The following DNHD1 variants were observed in gnomAD, a reference collection of about 807,000 sequenced individuals.
DNHD1 encodes dynein heavy chain domain-containing protein 1.
In DNHD1, 383 loss-of-function variants were observed where a neutral mutation model predicts 458.1. The observed-to-expected ratio is 0.84, with a 90% CI of 0.77 to 0.91. The LOEUF is 0.91. DNHD1 is among the 40% of genes least tolerant of loss of function. The probability of loss-of-function intolerance (pLI) is 0.00; values close to 1 mark genes in which losing one functional copy is unlikely to be tolerated. For synonymous variants in DNHD1, 2,203 were observed against 2,376.9 expected (o/e 0.93, Z 2.13); for missense variants, 5,336 against 5,866.1 (o/e 0.91, Z 2.95).
At position 6,547,354 on chromosome 11, in the gene DNHD1, G is replaced by A. The variant is rs1026331299; in HGVS notation, c.6415G>A (p.Val2139Ile). ...CACAACAGGCATATCCCCCACAGTG[G>A]TAGGCTGTTGTGCCCTAGTCTGGTG... is the stretch of plus-strand genomic sequence containing the variant. ...ADTTGISPTV[V>I]GCCALVWCGG... is the part of the protein sequence containing the mutation. Residue 2139 changes from valine (V) to isoleucine (I), a missense_variant, in exon 21 of 43, where the codon GTA (valine) becomes ATA (isoleucine). Around this residue, in one of 4 missense-constraint regions of DNHD1, gnomAD observed 3,932 missense variants for 4,365.6 expected, o/e 0.90. Transcript: ENST00000254579. 1.4e-5 allele frequency: 22 copies of A among 1,551,652 alleles called. 1 individual carries two copies. Among genetic ancestry groups the A allele is most frequent in the South Asian group, 4.8e-5 (4 of 84,064 alleles).
Position 6,548,123 on chromosome 11 carries a change from G to A in DNHD1, c.6905+83G>A. 1 of 1,545,606 alleles carries A rather than the reference G, an allele frequency of 6.5e-7. No homozygotes were observed. The highest frequency in any genetic ancestry group is 2.4e-5 in the East Asian group (1 of 40,856). Reference sequence around the variant, plus strand: ...AAGTAAAAACCCACATGACATCACTGTTAGGGTATGGTGGAGTGTGTGAGT... The same window carrying A: ...AAGTAAAAACCCACATGACATCACTATTAGGGTATGGTGGAGTGTGTGAGT... On this transcript the variant is annotated intron_variant, in intron 22 of 42. Coordinates refer to ENST00000254579, the MANE Select transcript of DNHD1 (RefSeq NM_144666.3). The surrounding 1 kb of genome is among the most constrained non-coding windows in gnomAD (Gnocchi z 4.4).
chr11:6,525,381 AG>A (rs1415587481), intron 10 of DNHD1, among the ~76,000 whole-genome samples: 1 of 152,248 alleles, frequency 6.6e-6, no homozygotes. Flanking sequence ...GGAAGGGAGA[AG>A]GGAATAGCTA....
chr11:6,567,035 G>T lies in DNHD1; in HGVS notation c.11526G>T (p.Gln3842His). ...HCEELEGQKL[Q>H]EMVLWAPYRP... ...AAGAGTTAGAAGGGCAGAAACTACAGGAGATGGTATTGTGGGCACCCTATC... is the reference window on the plus strand; with the variant it reads ...AAGAGTTAGAAGGGCAGAAACTACATGAGATGGTATTGTGGGCACCCTATC... Residue 3842 changes from glutamine (Q) to histidine (H), a missense_variant, in exon 36 of 43, where the codon CAG becomes CAT. Transcript: ENST00000254579. 6.2e-7 allele frequency: 1 copy of T among 1,614,056 alleles called. No individual in the cohort carries two copies. Among genetic ancestry groups the T allele is most frequent in the Non-Finnish European group, 8.5e-7 (1 of 1,179,902 alleles).
Position 6,564,424 on chromosome 11 carries a change from G to A in DNHD1, c.10376G>A (p.Arg3459His), listed in dbSNP as rs759463457. The change falls in exon 32 of 43, where the codon CGC (arginine) becomes CAC (histidine). Residue 3459 changes from arginine (R) to histidine (H), a missense_variant. By Grantham distance (29) the Arg-to-His change is conservative. Coordinates refer to ENST00000254579, the MANE Select transcript of DNHD1 (RefSeq NM_144666.3). ...CTGGGTCCCTTCCCACCATTGCGGC[G>A]CCAAGAGCTACTGGACGAGTGGTTA... ...IYLGPFPPLR[R>H]QELLDEWLAL... is the part of the protein sequence containing the mutation. 1.9e-5 allele frequency: 29 copies of A among 1,551,636 alleles called. No individual in the cohort carries two copies. The South Asian group carries it at 2.1e-4, about 11-fold the overall frequency.
In DNHD1 at chr11:6,557,222, G is replaced by A; in HGVS notation, c.7927G>A (p.Val2643Met). 1.3e-6 allele frequency: 2 copies of A among 1,551,652 alleles called. No individual in the cohort carries two copies. Among genetic ancestry groups the A allele is most frequent in the Non-Finnish European group, 1.7e-6 (2 of 1,147,012 alleles). ...GACCGTTATGATGGCCACACGCAAT[G>A]TGGTGCGTCTTTGGTTGCATGAGGC... ...CLTVMMATRN[V>M]VRLWLHEAQR... The change falls in exon 25 of 43, where the codon GTG becomes ATG. Residue 2643 changes from valine (V) to methionine (M), a missense_variant. By Grantham distance (21) the Val-to-Met change is conservative (BLOSUM62 1). Transcript: ENST00000254579.
chr11:6,500,346 A>G (rs1469688828), intron 3 of DNHD1, among the ~76,000 whole-genome samples: 1 of 152,228 alleles, frequency 6.6e-6, no homozygotes, highest in Non-Finnish European at 1.5e-5. Context: ...TGTCTGTGGC[A>G]CATTTACTGT....
Position 6,567,509 on chromosome 11 carries a change from T to G in DNHD1, c.12000T>G (p.Val4000=), listed in dbSNP as rs774560297. The change falls in exon 36 of 43, where the codon GTT becomes GTG. Residue 4000 remains valine (V), a synonymous_variant. Transcript: ENST00000254579. ...TGTTAGAGCTGCTGCCCCCATTTGT[T>G]GGCCTGTGTGCCTCCCTGGCAGGCC... The part of the protein sequence containing the change: ...CEMLELLPPF[V]GLCASLAGHS... 44 of 1,613,592 alleles carry G rather than the reference T, an allele frequency of 2.7e-5. No homozygotes were observed. The African/African-American group carries it at 4.0e-4, about 15-fold the overall frequency.
intron 10 of DNHD1, among the ~76,000 whole-genome samples, chr11:6,521,706 T>C (rs1852607318): frequency 6.6e-6 from 1 of 152,210 alleles, no homozygotes; most frequent in African/African-American, 2.4e-5. Flanking sequence ...ATTCATATAA[T>C]TGAGTAATCA....
intron 24 of DNHD1, among the ~76,000 whole-genome samples, chr11:6,556,450 G>A (rs1313553233): frequency 2.6e-5 from 4 of 151,908 alleles, no homozygotes; most frequent in Non-Finnish European, 5.9e-5. Context: ...ATTAACCTTC[G>A]GTTAATGAAT....
At chr11:6,564,217 C>T in intron 31 of DNHD1, 93 bp downstream of exon 31, 1 of 1,462,372 alleles carries the variant, frequency 6.8e-7, no homozygotes, top group African/African-American at 1.4e-5. Flanking sequence ...CTCTGTCCCT[C>T]TCTGCACTCC....
intron 33 of DNHD1, 67 bp from the exon 34 acceptor site, chr11:6,566,174 G>T: frequency 6.5e-7 from 1 of 1,530,178 alleles, no homozygotes; most frequent in South Asian, 1.2e-5. Flanking sequence ...GCCAGACCTC[G>T]TGCCTGGGGA....
At position 6,528,404 on chromosome 11, in the gene DNHD1, G is replaced by T. The variant is rs900218135; in HGVS notation, c.1838-118G>T. On this transcript the variant is annotated intron_variant, in intron 10 of 42. Coordinates refer to ENST00000254579, the MANE Select transcript of DNHD1 (RefSeq NM_144666.3). ...TTAACTCACTCATGAGCAGCGAATG[G>T]GTGTGTGTGTGTGTGTGTGTGTGTG... is the stretch of plus-strand genomic sequence containing the variant. 1.9e-4 allele frequency: 171 copies of T among 881,322 alleles called. No homozygotes were observed. In the African/African-American group the frequency reaches 2.5e-3, roughly 13 times the overall value. 54.6% of individuals were successfully genotyped at this position (881,322 alleles called of 1,614,324 possible).
intron 36 of DNHD1, 54 bp from the exon 37 acceptor site, chr11:6,568,002 G>A (rs1206882665): frequency 2.1e-5 from 31 of 1,496,468 alleles, no homozygotes; most frequent in African/African-American, 2.8e-5. Flanking sequence ...TGGGTCCCTC[G>A]GGTCACCCTA....
chr11:6,513,937 G>T (rs966432956), intron 7 of DNHD1, among the ~76,000 whole-genome samples: 1 of 151,840 alleles, frequency 6.6e-6, no homozygotes, highest in Non-Finnish European at 1.5e-5. Context: ...TCTGCCTCCC[G>T]GGTTCACACC....
intron 33 of DNHD1, 31 bp downstream of exon 33, chr11:6,566,022 C>A: frequency 1.9e-6 from 3 of 1,547,690 alleles, no homozygotes; most frequent in Non-Finnish European, 2.6e-6. Context: ...ACCCTGGCCC[C>A]TTTTTGACTT....
intron 10 of DNHD1, among the ~76,000 whole-genome samples, chr11:6,524,140 A>G (rs1395879470): frequency 6.6e-6 from 1 of 152,162 alleles, no homozygotes. Context: ...TGGAATCACA[A>G]TTGACTTTGT....
intron 4 of DNHD1, among the ~76,000 whole-genome samples, chr11:6,507,301 C>T (rs1852247565): frequency 6.6e-6 from 1 of 152,120 alleles, no homozygotes; most frequent in South Asian, 2.1e-4. Context: ...CCTTAATAAG[C>T]ATTTGTAGAA....
intron 34 of DNHD1, 57 bp downstream of exon 34, chr11:6,566,450 C>A: frequency 6.5e-7 from 1 of 1,548,000 alleles, no homozygotes; most frequent in Non-Finnish European, 8.7e-7. Flanking sequence ...AGGCCCTCAG[C>A]ACCAGCCCTA....
Position 6,498,294 on chromosome 11 carries a change from T to TA in DNHD1, c.79_80insA (p.Cys27Ter). 1 of 1,614,198 alleles carries TA rather than the reference T, an allele frequency of 6.2e-7. No homozygotes were observed. Among genetic ancestry groups the TA allele is most frequent in the East Asian group, 2.2e-5 (1 of 44,878 alleles). Residue 27 changes from cysteine to a stop codon, truncating the protein, a stop_gained and frameshift_variant, in exon 3 of 43, where the codon TGT becomes TAGT. Transcript: ENST00000254579. LOFTEE classifies it high-confidence loss of function. ...SDSLKSWHSI[C>*]VLDSKEQPLA... ...TTCCCTTAAGTCTTGGCACTCCATATGTGTCTTGGACAGCAAAGAACAGCC... is the reference window on the plus strand; with the variant it reads ...TTCCCTTAAGTCTTGGCACTCCATATAGTGTCTTGGACAGCAAAGAACAGCC...
Sources: gnomAD v4.1 joint callset for allele counts (sites outside exome capture counted in the v4.1 genomes callset) on GRCh38, gnomAD v4.1.1 for gene constraint, gnomAD v4.1.1 regional missense constraint, Gnocchi (gnomAD v3.1) non-coding constraint, MANE v1.5 for transcripts, NCBI Gene and HGNC (gene_info 2026-07-23, HGNC 2026-07-21) for gene names.